DST: variants seen among roughly 807,000 people sequenced by gnomAD.
The protein encoded by DST is dystonin.
DST carries 253 observed loss-of-function variants against 875.2 expected under a neutral mutation model. That is an observed-to-expected ratio of 0.29 (90% CI 0.26 to 0.32). The LOEUF (loss-of-function observed/expected upper bound fraction) is 0.32. DST is among the 10% of genes least tolerant of loss of function. The pLI is 1.00. For synonymous variants in DST, 3,124 were observed against 3,197.1 expected, an observed-to-expected ratio of 0.98 and a Z score of 0.77; for missense variants, 8,287 against 9,111.6, an observed-to-expected ratio of 0.91 and a Z score of 3.68.
chr6:56,463,241 T>C, intron 101 of DST, 85 bp from the exon 102 acceptor site: 1 of 758,608 alleles, frequency 1.3e-6, no homozygotes, highest in Non-Finnish European at 2.2e-6. Context: ...TAGCAAAGAG[T>C]CACATTTCAC....
intron 61 of DST, chr6:56,540,542 G>A (rs1447955890): frequency 6.6e-6 from 1 of 152,610 alleles, no homozygotes; most frequent in Admixed American, 6.5e-5. Flanking sequence ...CCCTAGATCT[G>A]TGTGAGAGAG....
intron 69 of DST, among the ~76,000 whole-genome samples, chr6:56,521,477 TTTA>T (rs1562530074): frequency 0.02 from 1,293 of 64,770 alleles, 22 homozygotes; most frequent in African/African-American, 0.061. Flanking sequence ...GTCTTCCCTA[TTTA>T]AAAAAAAAAA....
Position 56,594,205 on chromosome 6 carries a change from CA to C in DST, c.12196-13del, listed in dbSNP as rs760255611. ...TTCTCGTGTTGGGCCTATGTGAAAACAAATTGATCATAATCTTCAAGCAGTA... is the reference window on the plus strand; with the variant it reads ...TTCTCGTGTTGGGCCTATGTGAAAACAATTGATCATAATCTTCAAGCAGTA... On this transcript the variant is annotated splice_polypyrimidine_tract_variant and intron_variant, in intron 47 of 103. Transcript: ENST00000680361. The C allele has an allele frequency of 6.6e-7, 1 of 1,507,348 alleles. No homozygotes were observed. Among genetic ancestry groups the C allele is most frequent in the South Asian group, 1.4e-5 (1 of 72,890 alleles). The allele number at this position is 1,507,348 out of a possible 1,614,324, so 93.4% of individuals were successfully genotyped here.
chr6:56,925,982 G>A (rs1357871565), intron 2 of DST, among the ~76,000 whole-genome samples: 1 of 152,102 alleles, frequency 6.6e-6, no homozygotes, highest in Non-Finnish European at 1.5e-5. Flanking sequence ...TCTTGAAACT[G>A]TCTTTCTGAC....
chr6:56,467,276 A>G (rs2152388043), intron 98 of DST: 1 of 152,228 alleles, frequency 6.6e-6, no homozygotes, highest in African/African-American at 2.4e-5. Flanking sequence ...TAGGTAGAAA[A>G]AAATCTGCTA....
intron 4 of DST, among the ~76,000 whole-genome samples, chr6:56,776,513 G>A (rs1216718267): frequency 6.6e-6 from 1 of 152,170 alleles, no homozygotes; most frequent in Non-Finnish European, 1.5e-5. Flanking sequence ...TGGACACAGG[G>A]TGTTCAGGAC....
intron 4 of DST, among the ~76,000 whole-genome samples, chr6:56,781,839 G>C (rs1296034682): frequency 6.6e-6 from 1 of 152,102 alleles, no homozygotes; most frequent in Non-Finnish European, 1.5e-5. Flanking sequence ...TGCCCATTCA[G>C]TATGATATTG....
chr6:56,839,509 T>A (rs2099797461), intron 4 of DST, among the ~76,000 whole-genome samples: 1 of 152,184 alleles, frequency 6.6e-6, no homozygotes, highest in Non-Finnish European at 1.5e-5. Context: ...TATTAACCTA[T>A]GAACAGAGCA....
At chr6:56,850,409 C>CAAAA (rs70989736) in intron 4 of DST, among the ~76,000 whole-genome samples, 20 of 77,308 alleles carry the variant, frequency 2.6e-4, no homozygotes, top group Non-Finnish European at 4.1e-4. Context: ...GTATAGGAGG[C>CAAAA]AAAAAAAAAA....
At chr6:56,916,753 A>ATC (rs70989741) in intron 2 of DST, among the ~76,000 whole-genome samples, 3,145 of 95,168 alleles carry the variant, frequency 0.033, 80 homozygotes, top group Middle Eastern at 0.052. Flanking sequence ...CTCTCTCTCT[A>ATC]TCTCTCTCTC....
chr6:56,751,727 C>T (rs999362455), intron 4 of DST, among the ~76,000 whole-genome samples: 9 of 152,074 alleles, frequency 5.9e-5, no homozygotes, highest in South Asian at 2.1e-4. Context: ...TGTATAACTA[C>T]GAAATTAAAC....
At chr6:56,534,202 A>T (rs1327298425) in intron 63 of DST, among the ~76,000 whole-genome samples, 1 of 152,210 alleles carries the variant, frequency 6.6e-6, no homozygotes, top group Non-Finnish European at 1.5e-5. Context: ...AAATTAAAAA[A>T]AATTAATGTA....
intron 74 of DST, among the ~76,000 whole-genome samples, chr6:56,509,394 G>A (rs1215732490): frequency 6.6e-6 from 1 of 152,098 alleles, no homozygotes; most frequent in Admixed American, 6.6e-5. Flanking sequence ...AATACACATG[G>A]TCTTTGAACA....
Position 56,511,303 on chromosome 6 carries a change from G to C in DST, c.18674C>G (p.Ser6225Cys). Reference sequence around the variant, plus strand: ...GGCTGCCACATACTTCTCTTGGATAGAAAAGCCTTCCCCAGGGCTCAATTC... The same window carrying C: ...GGCTGCCACATACTTCTCTTGGATACAAAAGCCTTCCCCAGGGCTCAATTC... ...LLELSPGEGF[S>C]IQEKYVAADT... The change falls in exon 73 of 104, where the codon TCT becomes TGT. Residue 6225 changes from serine to cysteine, a missense_variant. Around this residue, in one of 10 missense-constraint regions of DST, gnomAD observed 1,292 missense variants for 1,552.7 expected, o/e 0.83. Transcript: ENST00000680361. 4 of 1,605,770 alleles carry C rather than the reference G, an allele frequency of 2.5e-6. No individual in the cohort carries two copies. Among genetic ancestry groups the C allele is most frequent in the Non-Finnish European group, 1.7e-6 (2 of 1,175,772 alleles).
intron 52 of DST, 118 bp downstream of exon 52, chr6:56,572,629 T>C (rs1407592344): frequency 1.3e-6 from 1 of 742,018 alleles, no homozygotes; most frequent in Non-Finnish European, 2.1e-6. Flanking sequence ...AACATAGATC[T>C]TTACTAATCT....
At chr6:56,497,746 T>G (rs1583176562) in intron 81 of DST, 110 bp downstream of exon 81, 1 of 1,085,496 alleles carries the variant, frequency 9.2e-7, no homozygotes, top group Non-Finnish European at 1.3e-6. Context: ...TTTTTACTCC[T>G]CTCCTTAAGG....
chr6:56,506,923 G>T, intron 75 of DST, 134 bp from the exon 76 acceptor site: 1 of 951,306 alleles, frequency 1.1e-6, no homozygotes, highest in Non-Finnish European at 1.4e-6. Flanking sequence ...CTAAGTTTCT[G>T]CAATAAATTT....
intron 3 of DST, among the ~76,000 whole-genome samples, chr6:56,872,826 C>T (rs7449832): frequency 1.9e-5 from 2 of 102,728 alleles, no homozygotes; most frequent in African/African-American, 3.5e-5. Context: ...ACTGATTCCC[C>T]CCCCCCTTTT....
At chr6:56,630,975 G>C (rs2152758941) in intron 30 of DST, among the ~76,000 whole-genome samples, 1 of 151,946 alleles carries the variant, frequency 6.6e-6, no homozygotes, top group Admixed American at 6.5e-5. Flanking sequence ...TAGAGATGGG[G>C]TTCCACCATG....
Sources: allele counts gnomAD v4.1 joint callset (sites outside exome capture counted in the v4.1 genomes callset), GRCh38; gene constraint gnomAD v4.1.1; regional missense constraint gnomAD v4.1.1; transcripts MANE v1.5; gene names NCBI Gene and HGNC (gene_info 2026-07-23, HGNC 2026-07-21).